The following HEATR6 variants were observed in gnomAD, a reference collection of about 807,000 sequenced individuals.
The protein encoded by HEATR6 is HEAT repeat-containing protein 6.
A neutral mutation model predicts 132.8 loss-of-function variants in HEATR6; 106 were observed. The ratio of observed to expected loss-of-function variants is 0.80; its 90% CI spans 0.68 to 0.94. The LOEUF is 0.94. Ranked by LOEUF, HEATR6 falls within the 40% of genes least tolerant of loss-of-function variation. The pLI, the probability that HEATR6 is intolerant of heterozygous loss-of-function variation, is 0.00. For synonymous variants in HEATR6, 529 were observed against 537.8 expected (o/e 0.98, Z 0.23); for missense variants, 1,339 against 1,425.1 (o/e 0.94, Z 0.97).
intron 2 of HEATR6, chr17:60,075,840 CAAAAAAA>C (rs772457086): frequency 6.5e-5 from 4 of 61,362 alleles, no homozygotes; most frequent in Non-Finnish European, 1.3e-4. Flanking sequence ...AACTCTGTCT[CAAAAAAA>C]AAAAAAAAAA....
At chr17:60,071,701 G>A (rs879511604) in intron 5 of HEATR6, among the ~76,000 whole-genome samples, 1 of 152,102 alleles carries the variant, frequency 6.6e-6, no homozygotes, top group Non-Finnish European at 1.5e-5. Context: ...ACTTAAAGCT[G>A]TAATTATGCT....
chr17:60,056,339 G>A, intron 12 of HEATR6, 102 bp from the exon 13 acceptor site: 2 of 1,068,810 alleles, frequency 1.9e-6, no homozygotes, highest in East Asian at 2.6e-5. Flanking sequence ...ATTTAACAGG[G>A]GCTGAAATCT....
In HEATR6 at chr17:60,057,064, C is replaced by T. The variant is rs184372850; in HGVS notation, c.2063G>A (p.Arg688Gln). 31 of 1,597,356 alleles carry T rather than the reference C, an allele frequency of 1.9e-5. No individual in the cohort carries two copies. In the East Asian group the frequency reaches 2.7e-4, roughly 14 times the overall value. The change falls in exon 12 of 20, where the codon CGA becomes CAA. Residue 688 changes from arginine to glutamine, a missense_variant. Transcript: ENST00000184956. The stretch of plus-strand genomic sequence containing the variant: ...ATCTCCTACCTGTAAGGCCTCCAGT[C>T]GCATGGGGGATGGTTCGTAGGTGCT... ...AGSTYEPSPM[R>Q]LEALQVLTLL...
intron 1 of HEATR6, 38 bp from the exon 2 acceptor site, chr17:60,076,275 T>C (rs753420272): frequency 2.6e-6 from 3 of 1,149,860 alleles, no homozygotes; most frequent in South Asian, 1.3e-5. Context: ...AAATACTTAT[T>C]AGTCAAGTGA....
At position 60,073,839 on chromosome 17, in the gene HEATR6, A is replaced by G. The variant is rs1480170946; in HGVS notation, c.375T>C (p.Ile125=). 1.2e-5 allele frequency: 19 copies of G among 1,614,070 alleles called. No homozygotes were observed. Among genetic ancestry groups the G allele is most frequent in the Non-Finnish European group, 1.6e-5 (19 of 1,179,874 alleles). ...AGGAACTACACTGATGAATAGCCGA[A>G]ATAGTATATGCCAACAGGAAATCCA... is the stretch of plus-strand genomic sequence containing the variant. The part of the protein sequence containing the change: ...QHLDFLLAYT[I]SAIHQCSSWT... Residue 125 remains isoleucine, a synonymous_variant, in exon 3 of 20, where the codon ATT becomes ATC. Transcript: ENST00000184956.
At chr17:60,069,578 A>G (rs1257142727) in intron 7 of HEATR6, 133 bp downstream of exon 7, 1 of 796,634 alleles carries the variant, frequency 1.3e-6, no homozygotes, top group African/African-American at 1.7e-5. Context: ...TAAATTTACT[A>G]TGCTAACAAC....
rs1411585000 is a variant in HEATR6, at chr17:60,043,146, AGCTT to A, written c.*413_*416del. On this transcript the variant is annotated 3_prime_UTR_variant, in exon 20 of 20. Coordinates refer to ENST00000184956, the MANE Select transcript of HEATR6 (RefSeq NM_022070.5). ...CTGGCTGAACTGCAGCTCTGCTTGC[AGCTT>A]GCTAGAAATACAACTTGGTAACAAC... The A allele has an allele frequency of 4.1e-6, 1 of 244,942 alleles. No individual in the cohort carries two copies. Among genetic ancestry groups the A allele is most frequent in the Non-Finnish European group, 8.1e-6 (1 of 122,970 alleles). 15.2% of individuals were successfully genotyped at this position (244,942 alleles called of 1,614,324 possible).
chr17:60,057,899 C>A (rs1247231075), intron 11 of HEATR6, among the ~76,000 whole-genome samples: 1 of 152,092 alleles, frequency 6.6e-6, no homozygotes, highest in Non-Finnish European at 1.5e-5. Flanking sequence ...GTATCTGCTC[C>A]TTTGTTGTAG....
chr17:60,051,509 G>GT (rs537833790), intron 14 of HEATR6, among the ~76,000 whole-genome samples: 1 of 152,200 alleles, frequency 6.6e-6, no homozygotes, highest in Non-Finnish European at 1.5e-5. Flanking sequence ...CAGAGTCTGT[G>GT]TGATAATAAA....
intron 9 of HEATR6, among the ~76,000 whole-genome samples, chr17:60,065,315 T>G (rs1021750724): frequency 1.1e-4 from 16 of 152,242 alleles, no homozygotes; most frequent in Admixed American, 2.6e-4. Flanking sequence ...TATAGTAAGT[T>G]ACTCAAGGAG....
intron 1 of HEATR6, among the ~76,000 whole-genome samples, chr17:60,078,080 C>T (rs2083305213): frequency 6.6e-6 from 1 of 152,192 alleles, no homozygotes; most frequent in African/African-American, 2.4e-5. Flanking sequence ...TGCAAGCAGG[C>T]AACTTGCACC....
rs1180687596 is a variant in HEATR6 at position 60,055,565 on chromosome 17, A to G, written c.2239T>C (p.Tyr747His). 6.2e-7 allele frequency: 1 copy of G among 1,613,642 alleles called. No individual in the cohort carries two copies. Among genetic ancestry groups the G allele is most frequent in the Non-Finnish European group, 8.5e-7 (1 of 1,179,776 alleles). Reference sequence around the variant, plus strand: ...GGTGCTGCAGTGGAGTCTGGTTTATACTGCTGTATTAAGCCTGTGCCCAGT... The same window carrying G: ...GGTGCTGCAGTGGAGTCTGGTTTATGCTGCTGTATTAAGCCTGTGCCCAGT... ...EELGTGLIQQ[Y>H]KPDSTAAPDQ... The change falls in exon 14 of 20, where the codon TAT becomes CAT. Residue 747 changes from tyrosine (Y) to histidine (H), a missense_variant. Coordinates refer to ENST00000184956, the MANE Select transcript of HEATR6 (RefSeq NM_022070.5).
rs995246213 is a variant in HEATR6, at chr17:60,076,242, C to G, written c.220-5G>C. ...GACAAGAAGAGCACTAACGTCCTACCAAAAAAAAAAAGATAAGAGGTAAAA... is the reference window on the plus strand; with the variant it reads ...GACAAGAAGAGCACTAACGTCCTACGAAAAAAAAAAAGATAAGAGGTAAAA... On this transcript the variant is annotated splice_polypyrimidine_tract_variant and splice_region_variant and intron_variant, in intron 1 of 19. Transcript: ENST00000184956. The G allele has an allele frequency of 1.8e-5, 21 of 1,199,398 alleles. No homozygotes were observed. Among genetic ancestry groups the G allele is most frequent in the Non-Finnish European group, 2.3e-5 (20 of 883,592 alleles). The allele number at this position is 1,199,398 out of a possible 1,614,324, so 74.3% of individuals were successfully genotyped here. A position where few individuals can be genotyped will look rare whatever the true frequency, so the allele number is the denominator to read the frequency against.
At chr17:60,074,806 C>A (rs1402015226) in intron 2 of HEATR6, among the ~76,000 whole-genome samples, 1 of 152,138 alleles carries the variant, frequency 6.6e-6, no homozygotes, top group Non-Finnish European at 1.5e-5. Context: ...TGGGTAGAGG[C>A]CAAGGATGCT....
rs559787834 is a variant in HEATR6, at chr17:60,045,101, C to T, written c.2974+924G>A. Among the ~76,000 whole-genome samples, 56 of 152,302 alleles carry T rather than the reference C, an allele frequency of 3.7e-4. 2 individuals carry two copies. The South Asian group carries it at 9.7e-3, about 26-fold the overall frequency. ...GCCATACAGGAAGGCTGGTAGGAGC[C>T]AACCACCACTGAGGTGCCCTGGTTT... On this transcript the variant is annotated intron_variant, in intron 19 of 19. Transcript: ENST00000184956.
intron 18 of HEATR6, 31 bp downstream of exon 18, chr17:60,047,278 T>C: frequency 7.2e-7 from 1 of 1,385,514 alleles, no homozygotes; most frequent in Non-Finnish European, 1.0e-6. Context: ...ACTATCTGTT[T>C]GGGAGATACT....
Position 60,048,296 on chromosome 17 carries a change from C to G in HEATR6, c.2640G>C (p.Leu880=). 6.2e-7 allele frequency: 1 copy of G among 1,613,686 alleles called. No homozygotes were observed. Among genetic ancestry groups the G allele is most frequent in the Non-Finnish European group, 8.5e-7 (1 of 1,179,732 alleles). ...CAATCAGAGTGTCTGTCAGGTTGCC[C>G]AGGGACCAGGCTGCTTTGGCTCGAA... ...LNVRAKAAWS[L]GNLTDTLIVN... The change falls in exon 17 of 20, where the codon CTG becomes CTC. Residue 880 remains leucine (L), a synonymous_variant. Coordinates refer to ENST00000184956, the MANE Select transcript of HEATR6 (RefSeq NM_022070.5).
At chr17:60,059,566 A>C in intron 10 of HEATR6, 45 bp from the exon 11 acceptor site, 2 of 1,245,824 alleles carry the variant, frequency 1.6e-6, no homozygotes, top group Non-Finnish European at 2.3e-6. Flanking sequence ...TGATTAAACC[A>C]CAGCATAGAA....
At chr17:60,070,349 T>C (rs1362309252) in intron 6 of HEATR6, among the ~76,000 whole-genome samples, 3 of 151,984 alleles carry the variant, frequency 2.0e-5, no homozygotes, top group Non-Finnish European at 4.4e-5. Context: ...TTGACACACG[T>C]CTTGGTTGGC....
Sources: gnomAD v4.1 joint callset for allele counts (sites outside exome capture counted in the v4.1 genomes callset) on GRCh38, gnomAD v4.1.1 for gene constraint, MANE v1.5 for transcripts, NCBI Gene and HGNC (gene_info 2026-07-23, HGNC 2026-07-21) for gene names.